The following PLAT variants were observed in gnomAD, a reference collection of about 807,000 sequenced individuals.
PLAT encodes the protein tissue-type plasminogen activator.
In PLAT, 48 loss-of-function variants were observed where a neutral mutation model predicts 74.9. The observed-to-expected ratio is 0.64, with a 90% CI of 0.51 to 0.82. PLAT has a LOEUF of 0.82. PLAT is among the 40% of genes least tolerant of loss of function. PLAT has a pLI of 0.00. For synonymous variants in PLAT, 307 were observed against 294.4 expected (o/e 1.04, Z -0.44); for missense variants, 673 against 736.2 (o/e 0.91, Z 0.99).
chr8:42,194,835 A>C lies in PLAT; in HGVS notation c.-26-1624T>G, dbSNP rs148866616. 5.3e-4 allele frequency among the ~76,000 whole-genome samples: 64 copies of C among 120,720 alleles called. No individual in the cohort carries two copies. In the East Asian group the frequency reaches 0.015, roughly 29 times the overall value. The allele number at this position is 120,720 out of a possible 152,430, so 79.2% of individuals were successfully genotyped here. On this transcript the variant is annotated intron_variant, in intron 1 of 13. Transcript: ENST00000220809. ...TGCCAGAACATCTGTCTCCTTTTTC[A>C]TAGACTGCAGCAGATCCGGCAATGT...
At position 42,188,852 on chromosome 8, in the gene PLAT, C is replaced by T. The variant is rs533377176; in HGVS notation, c.253+82G>A. ...TTTGCCCAGATTGGTCTTGAACTCC[C>T]GGGCTCCAGCGACCCTCCCACCTTG... On this transcript the variant is annotated intron_variant, in intron 4 of 13. Transcript: ENST00000220809. 29 of 1,252,282 alleles carry T rather than the reference C, an allele frequency of 2.3e-5. No individual in the cohort carries two copies. In the African/African-American group the frequency reaches 2.3e-4, roughly 10 times the overall value. The allele number at this position is 1,252,282 out of a possible 1,614,324, so 77.6% of individuals were successfully genotyped here.
chr8:42,191,308 G>A, intron 3 of PLAT, 64 bp downstream of exon 3: 1 of 1,347,754 alleles, frequency 7.4e-7, no homozygotes, highest in Non-Finnish European at 1.1e-6. Flanking sequence ...GGTGGGTGAT[G>A]CACCCTGCAC....
chr8:42,201,219 A>G (rs1296278353), intron 1 of PLAT, among the ~76,000 whole-genome samples: 28 of 152,218 alleles, frequency 1.8e-4, no homozygotes, highest in Admixed American at 1.6e-3. Flanking sequence ...CTGGAAATCT[A>G]ACTGCATTTA....
intron 8 of PLAT, 67 bp from the exon 9 acceptor site, chr8:42,182,089 G>A (rs3747810): frequency 3.7e-5 from 36 of 981,672 alleles, no homozygotes; most frequent in Non-Finnish European, 5.7e-5. Context: ...TAGAGATGGG[G>A]TCTTGCCATG....
chr8:42,178,236 T>C (rs1805050172), intron 13 of PLAT, among the ~76,000 whole-genome samples: 1 of 151,860 alleles, frequency 6.6e-6, no homozygotes, highest in African/African-American at 2.4e-5. Context: ...TCCAATTCTC[T>C]AGTGCCAACA....
chr8:42,191,324 C>T (rs1251444338), intron 3 of PLAT, 48 bp downstream of exon 3: 1 of 1,552,024 alleles, frequency 6.4e-7, no homozygotes. Context: ...TGCACCCCGC[C>T]CTGCCTCCCT....
At chr8:42,184,365 T>C (rs757422739) in intron 7 of PLAT, among the ~76,000 whole-genome samples, 158 of 152,122 alleles carry the variant, frequency 1.0e-3, no homozygotes, top group Middle Eastern at 6.3e-3. Context: ...CATTTCATTT[T>C]TTTCTTTTTT....
At chr8:42,190,301 A>C (rs1270379026) in intron 3 of PLAT, among the ~76,000 whole-genome samples, 1 of 152,212 alleles carries the variant, frequency 6.6e-6, no homozygotes, top group Non-Finnish European at 1.5e-5. Context: ...TTTTATCCAC[A>C]TAAGTATTAC....
chr8:42,202,508 C>A (rs1309219219), intron 1 of PLAT, among the ~76,000 whole-genome samples: 1 of 150,392 alleles, frequency 6.6e-6, no homozygotes, highest in Non-Finnish European at 1.5e-5. Flanking sequence ...CCCCACCCTG[C>A]CCCCCCAGCC....
In PLAT at chr8:42,205,954, T is replaced by C. The variant is rs145100729; in HGVS notation, c.-27+1540A>G. Among the ~76,000 whole-genome samples the C allele has an allele frequency of 3.0e-3, 460 of 152,366 alleles. 2 individuals are homozygous for C. Among genetic ancestry groups the C allele is most frequent in the African/African-American group, 0.01 (433 of 41,584 alleles). ...TTTGAAATCTACTGGCCGCTGGCTC[T>C]GCTCAGCAACGTCAGGCCCTGGGGG... is the stretch of plus-strand genomic sequence containing the variant. On this transcript the variant is annotated intron_variant, in intron 1 of 13. Coordinates refer to ENST00000220809, the MANE Select transcript of PLAT (RefSeq NM_000930.5).
At chr8:42,176,609 A>C (rs1416919040) in intron 13 of PLAT, among the ~76,000 whole-genome samples, 2 of 152,238 alleles carry the variant, frequency 1.3e-5, no homozygotes, top group Non-Finnish European at 2.9e-5. Context: ...AAATCTGTCT[A>C]GTCTGTGCTA....
At chr8:42,178,415 C>A (rs1248719274) in intron 13 of PLAT, among the ~76,000 whole-genome samples, 1 of 152,126 alleles carries the variant, frequency 6.6e-6, no homozygotes, top group Non-Finnish European at 1.5e-5. Context: ...GGATTACAGG[C>A]ATGTGCCACC....
Position 42,180,075 on chromosome 8 carries a change from G to T in PLAT, c.1223-9C>A. ...TTTCAGCTGCAGCAGCGCTGGGAGG[G>T]AGAAAGGAGGAGTGAGCTGGCGTGA... is the stretch of plus-strand genomic sequence containing the variant. On this transcript the variant is annotated splice_polypyrimidine_tract_variant and intron_variant, in intron 11 of 13. Coordinates refer to ENST00000220809, the MANE Select transcript of PLAT (RefSeq NM_000930.5). 6.2e-7 allele frequency: 1 copy of T among 1,601,188 alleles called. No homozygotes were observed. The highest frequency in any genetic ancestry group is 8.5e-7 in the Non-Finnish European group (1 of 1,171,448).
chr8:42,178,806 G>A, intron 13 of PLAT, 91 bp downstream of exon 13: 1 of 1,247,068 alleles, frequency 8.0e-7, no homozygotes. Flanking sequence ...CTCCACTCTG[G>A]TGATAACTTT....
chr8:42,182,951 C>A (rs1031745378), intron 7 of PLAT, 61 bp from the exon 8 acceptor site: 1 of 1,429,980 alleles, frequency 7.0e-7, no homozygotes, highest in Non-Finnish European at 9.7e-7. Context: ...CAAGTCAGGG[C>A]TGGGGCTTGA....
At chr8:42,196,445 G>A (rs1805908367) in intron 1 of PLAT, among the ~76,000 whole-genome samples, 1 of 152,196 alleles carries the variant, frequency 6.6e-6, no homozygotes, top group African/African-American at 2.4e-5. Flanking sequence ...AAGGCCAAGT[G>A]GGGTAAGAGA....
intron 1 of PLAT, among the ~76,000 whole-genome samples, chr8:42,205,702 G>A (rs577166180): frequency 6.6e-6 from 1 of 152,270 alleles, no homozygotes; most frequent in East Asian, 1.9e-4. Context: ...TGCCTTTCCA[G>A]ACCGAACCGG....
At chr8:42,198,178 A>G (rs753967515) in intron 1 of PLAT, among the ~76,000 whole-genome samples, 28 of 152,026 alleles carry the variant, frequency 1.8e-4, no homozygotes, top group Non-Finnish European at 4.0e-4. Context: ...GTTTATTTTC[A>G]TATAAAAACA....
chr8:42,194,239 A>AGTGTGTGT (rs1292130383), intron 1 of PLAT, among the ~76,000 whole-genome samples: 5 of 106,196 alleles, frequency 4.7e-5, no homozygotes, highest in Non-Finnish European at 5.5e-5. Flanking sequence ...AGAGAGAGAG[A>AGTGTGTGT]GAGTGTGTGT....
Sources: allele counts gnomAD v4.1 joint callset (sites outside exome capture counted in the v4.1 genomes callset), GRCh38; gene constraint gnomAD v4.1.1; transcripts MANE v1.5; gene names NCBI Gene and HGNC (gene_info 2026-07-23, HGNC 2026-07-21).